Variants in SPAG16 observed in about 807,000 individuals in gnomAD.
The protein encoded by SPAG16 is sperm-associated antigen 16 protein.
SPAG16 carries 86 observed loss-of-function variants against 80.4 expected under a neutral mutation model. The ratio of observed to expected loss-of-function variants is 1.07; its 90% CI spans 0.90 to 1.28. The LOEUF (loss-of-function observed/expected upper bound fraction) is 1.28, where lower values mean the gene tolerates loss of function less well. Among genes scored for constraint, SPAG16 ranks in the 50% most tolerant of loss-of-function variants. The probability of loss-of-function intolerance (pLI) is 0.00; values close to 1 mark genes in which losing one functional copy is unlikely to be tolerated. For synonymous variants in SPAG16, 294 were observed against 265.9 expected, an observed-to-expected ratio of 1.11 and a Z score of -1.03; for missense variants, 870 against 765.3, an observed-to-expected ratio of 1.14 and a Z score of -1.61.
Position 214,387,016 on chromosome 2 carries a change from C to A in SPAG16, c.1721-23124C>A, listed in dbSNP as rs1173311732. On this transcript the variant is annotated intron_variant, in intron 15 of 15. Coordinates refer to ENST00000331683, the MANE Select transcript of SPAG16 (RefSeq NM_024532.5). ...AATTTAACTTCTCCAAGTCAAATTT[C>A]TTGACACATTATCTTTTTACCTGGA... Among the ~76,000 whole-genome samples the A allele has an allele frequency of 2.6e-5, 4 of 152,252 alleles. No individual in the cohort carries two copies. In the East Asian group the frequency reaches 7.7e-4, roughly 29 times the overall value.
In SPAG16 at chr2:213,952,674, G is replaced by A. The variant is rs530231085; in HGVS notation, c.1400+22529G>A. 2.6e-5 allele frequency among the ~76,000 whole-genome samples: 4 copies of A among 152,146 alleles called. No homozygotes were observed. In the South Asian group the frequency reaches 8.3e-4, roughly 32 times the overall value. ...AGATCAGCCCCTAATGCTAATTTGG[G>A]AACCATAGAATGATAGATCATGGAA... On this transcript the variant is annotated intron_variant, in intron 12 of 15. Coordinates refer to ENST00000331683, the MANE Select transcript of SPAG16 (RefSeq NM_024532.5).
chr2:213,472,475 T>A (rs2073133005), intron 9 of SPAG16, among the ~76,000 whole-genome samples: 2 of 152,170 alleles, frequency 1.3e-5, no homozygotes, highest in Non-Finnish European at 2.9e-5. Context: ...CACCCCTGTG[T>A]CTTTTGAGTC....
intron 11 of SPAG16, among the ~76,000 whole-genome samples, chr2:213,900,235 C>T (rs1208191194): frequency 6.6e-6 from 1 of 152,196 alleles, no homozygotes; most frequent in East Asian, 1.9e-4. Flanking sequence ...AGATGCATCA[C>T]AGGGGGGATT....
intron 9 of SPAG16, among the ~76,000 whole-genome samples, chr2:213,489,081 GAAA>G (rs58151966): frequency 1.1e-5 from 1 of 90,930 alleles, no homozygotes; most frequent in Non-Finnish European, 2.1e-5. Context: ...TCTCAAAAAC[GAAA>G]AAAAAAAAAA....
intron 10 of SPAG16, among the ~76,000 whole-genome samples, chr2:213,750,578 A>G (rs1244832170): frequency 1.3e-5 from 2 of 152,162 alleles, no homozygotes. Context: ...TTAAAAATTC[A>G]TGTTCCTTTG....
At chr2:214,210,609 T>G (rs1253274478) in intron 15 of SPAG16, among the ~76,000 whole-genome samples, 3 of 152,086 alleles carry the variant, frequency 2.0e-5, no homozygotes, top group Non-Finnish European at 4.4e-5. Flanking sequence ...GTTAACATAT[T>G]TATGTAACTC....
At position 213,775,382 on chromosome 2, in the gene SPAG16, AATT is replaced by A. The variant is rs933755398; in HGVS notation, c.1071-87098_1071-87096del. On this transcript the variant is annotated intron_variant, in intron 10 of 15. Coordinates refer to ENST00000331683, the MANE Select transcript of SPAG16 (RefSeq NM_024532.5). ...TTTGAAGATATGCATATAGCTGTGAAATTATTACTACATTCTATTTTATAAACA... is the reference window on the plus strand; with the variant it reads ...TTTGAAGATATGCATATAGCTGTGAAATTACTACATTCTATTTTATAAACA... 2.6e-5 allele frequency among the ~76,000 whole-genome samples: 4 copies of A among 152,270 alleles called. No homozygotes were observed. In the East Asian group the frequency reaches 7.7e-4, roughly 29 times the overall value.
chr2:214,245,723 T>C (rs192258097), intron 15 of SPAG16, among the ~76,000 whole-genome samples: 3 of 152,260 alleles, frequency 2.0e-5, no homozygotes, highest in East Asian at 1.9e-4. Context: ...GCATTTCAGG[T>C]CAACTCAAGC....
intron 5 of SPAG16, among the ~76,000 whole-genome samples, chr2:213,324,461 T>G (rs905483862): frequency 6.6e-6 from 1 of 152,122 alleles, no homozygotes; most frequent in Non-Finnish European, 1.5e-5. Flanking sequence ...TTTTAAGAAT[T>G]TTTTCACTTT....
At chr2:213,970,548 C>G (rs1312781071) in intron 12 of SPAG16, among the ~76,000 whole-genome samples, 1 of 152,070 alleles carries the variant, frequency 6.6e-6, no homozygotes, top group African/African-American at 2.4e-5. Flanking sequence ...GCAATCTGCC[C>G]AATTTGGCCT....
chr2:213,563,019 C>T (rs530579421), intron 10 of SPAG16, among the ~76,000 whole-genome samples: 1 of 152,340 alleles, frequency 6.6e-6, no homozygotes, highest in East Asian at 1.9e-4. Flanking sequence ...AGGAATTTGG[C>T]ATGGCGGGGG....
At chr2:213,305,972 C>T (rs1222615438) in intron 3 of SPAG16, among the ~76,000 whole-genome samples, 1 of 152,076 alleles carries the variant, frequency 6.6e-6, no homozygotes, top group Non-Finnish European at 1.5e-5. Flanking sequence ...GCCATTGTGT[C>T]CAGAGCTTTC....
intron 10 of SPAG16, among the ~76,000 whole-genome samples, chr2:213,512,709 A>G (rs2075275418): frequency 6.6e-6 from 1 of 152,050 alleles, no homozygotes; most frequent in Non-Finnish European, 1.5e-5. Context: ...CACTGCCAGG[A>G]TTTTCCAAAA....
chr2:214,321,494 C>T (rs955690541), intron 15 of SPAG16, among the ~76,000 whole-genome samples: 4 of 152,212 alleles, frequency 2.6e-5, no homozygotes, highest in Non-Finnish European at 5.9e-5. Flanking sequence ...TCAACCTACA[C>T]AGTTGAAGGC....
chr2:213,830,454 C>T (rs1263112744), intron 10 of SPAG16, among the ~76,000 whole-genome samples: 1 of 152,114 alleles, frequency 6.6e-6, no homozygotes, highest in African/African-American at 2.4e-5. Flanking sequence ...AAAACAGGTA[C>T]TGTAATTTCC....
chr2:214,164,406 T>C (rs1026463403), intron 15 of SPAG16, among the ~76,000 whole-genome samples: 4 of 152,048 alleles, frequency 2.6e-5, no homozygotes, highest in African/African-American at 9.7e-5. Flanking sequence ...CCTGGATGAA[T>C]TGAGGGAATC....
At position 213,297,265 on chromosome 2, in the gene SPAG16, C is replaced by A. The variant is rs147302970; in HGVS notation, c.187C>A (p.Pro63Thr). 118 of 1,606,876 alleles carry A rather than the reference C, an allele frequency of 7.3e-5. No homozygotes were observed. In the African/African-American group the frequency reaches 1.4e-3, roughly 19 times the overall value. The change falls in exon 3 of 16, where the codon CCA (proline) becomes ACA (threonine). Residue 63 changes from proline to threonine, a missense_variant. Physicochemically the swap from Pro to Thr is conservative, Grantham distance 38. Transcript: ENST00000331683. ...CTTCTCTTTCTCTGTGATCTAGATACCAGATGACAATTTTAGCATCCCAGA... is the reference window on the plus strand; with the variant it reads ...CTTCTCTTTCTCTGTGATCTAGATAACAGATGACAATTTTAGCATCCCAGA... ...SEDDYEYEEI[P>T]DDNFSIPEGE...
At position 213,930,130 on chromosome 2, in the gene SPAG16, T is replaced by C. The variant is rs376825568; in HGVS notation, c.1385T>C (p.Ile462Thr). Residue 462 changes from isoleucine (I) to threonine (T), a missense_variant, in exon 12 of 16, where the codon ATT becomes ACT. By Grantham distance (89) the Ile-to-Thr change is moderately conservative. Coordinates refer to ENST00000331683, the MANE Select transcript of SPAG16 (RefSeq NM_024532.5). ...TCCTCACTGGATAAAACTAGCAAAA[T>C]TTGGGATGTTAATAGGTAAGAAGTA... ...ASSSLDKTSK[I>T]WDVNSERCRC... is the part of the protein sequence containing the mutation. The C allele has an allele frequency of 1.2e-6, 2 of 1,613,502 alleles. No homozygotes were observed.
chr2:213,748,516 ATAT>A (rs1395390746), intron 10 of SPAG16, among the ~76,000 whole-genome samples: 1 of 152,070 alleles, frequency 6.6e-6, no homozygotes, highest in East Asian at 1.9e-4. Flanking sequence ...TCTTTGTAAA[ATAT>A]TATTAGAATA....
Sources: gnomAD v4.1 joint callset for allele counts (sites outside exome capture counted in the v4.1 genomes callset) on GRCh38, gnomAD v4.1.1 for gene constraint, MANE v1.5 for transcripts, NCBI Gene and HGNC (gene_info 2026-07-23, HGNC 2026-07-21) for gene names.